Variants in SIPA1L3 observed in about 807,000 individuals in gnomAD.
SIPA1L3 encodes signal-induced proliferation-associated 1-like protein 3.
A neutral mutation model predicts 150.1 loss-of-function variants in SIPA1L3; 59 were observed. The ratio of observed to expected loss-of-function variants is 0.39; its 90% CI spans 0.32 to 0.49. SIPA1L3 has a LOEUF of 0.49. SIPA1L3 is among the 20% of genes least tolerant of loss of function. The pLI, the probability that SIPA1L3 is intolerant of heterozygous loss-of-function variation, is 0.86. For synonymous variants in SIPA1L3, 1,070 were observed against 1,077.6 expected, an observed-to-expected ratio of 0.99 and a Z score of 0.14; for missense variants, 2,211 against 2,489.5, an observed-to-expected ratio of 0.89 and a Z score of 2.38.
Position 38,057,754 on chromosome 19 carries a change from C to CT in SIPA1L3, c.-310-23501dup, listed in dbSNP as rs545625890. Among the ~76,000 whole-genome samples the CT allele has an allele frequency of 7.3e-4, 111 of 152,112 alleles. 1 individual carries two copies. The highest frequency in any genetic ancestry group is 2.6e-3 in the African/African-American group (109 of 41,482). ...CTCCGCCTCCCAGGTTCATGCCACT[C>CT]TCCTGCCTCAGCCTCCCGAGTAGCT... On this transcript the variant is annotated intron_variant, in intron 2 of 21. Coordinates refer to ENST00000222345, the MANE Select transcript of SIPA1L3 (RefSeq NM_015073.3).
intron 17 of SIPA1L3, 135 bp from the exon 18 acceptor site, chr19:38,193,402 G>A (rs1600196069): frequency 9.4e-7 from 1 of 1,059,300 alleles, no homozygotes; most frequent in South Asian, 2.8e-5. Context: ...AGGGAGGAAG[G>A]AAGGAAATGG....
intron 1 of SIPA1L3, among the ~76,000 whole-genome samples, chr19:38,028,437 G>A (rs985677054): frequency 6.6e-6 from 1 of 152,048 alleles, no homozygotes; most frequent in Non-Finnish European, 1.5e-5. Context: ...CATGATCTGT[G>A]GTCTCATGTA....
chr19:38,012,972 C>G (rs888777816), intron 1 of SIPA1L3, among the ~76,000 whole-genome samples: 1 of 152,174 alleles, frequency 6.6e-6, no homozygotes, highest in Non-Finnish European at 1.5e-5. Context: ...CTTGAGAGTG[C>G]AGGTCCCACA....
intron 1 of SIPA1L3, among the ~76,000 whole-genome samples, chr19:37,926,341 C>T (rs2046503556): frequency 6.6e-6 from 1 of 152,188 alleles, no homozygotes; most frequent in Admixed American, 6.6e-5. Flanking sequence ...AGAGGCTGCC[C>T]CTTTTCCACG....
intron 1 of SIPA1L3, among the ~76,000 whole-genome samples, chr19:38,020,129 C>T (rs941921981): frequency 6.6e-6 from 1 of 152,110 alleles, no homozygotes; most frequent in Non-Finnish European, 1.5e-5. Flanking sequence ...ATAATGGTAG[C>T]TCACACTTAA....
chr19:38,195,787 G>GGCC (rs1972909247), intron 18 of SIPA1L3, among the ~76,000 whole-genome samples: 1 of 91,478 alleles, frequency 1.1e-5, no homozygotes, highest in African/African-American at 4.5e-5. Flanking sequence ...ACCACCACAG[G>GGCC]CCCCGTCCCC....
At chr19:38,099,335 G>A (rs1009798100) in intron 4 of SIPA1L3, among the ~76,000 whole-genome samples, 1 of 107,988 alleles carries the variant, frequency 9.3e-6, no homozygotes, top group Non-Finnish European at 1.7e-5. Flanking sequence ...CCCACGCCTG[G>A]CCTTTTTTTT....
At chr19:37,938,852 A>C (rs970941913) in intron 1 of SIPA1L3, among the ~76,000 whole-genome samples, 4 of 151,978 alleles carry the variant, frequency 2.6e-5, no homozygotes, top group African/African-American at 9.7e-5. Flanking sequence ...CAAACTCCTG[A>C]GCTCAGGTGA....
At chr19:38,013,414 A>C (rs1176707545) in intron 1 of SIPA1L3, among the ~76,000 whole-genome samples, 1 of 152,158 alleles carries the variant, frequency 6.6e-6, no homozygotes, top group African/African-American at 2.4e-5. Context: ...TGAAAAAAAA[A>C]AGTTTTATGA....
At chr19:38,069,724 G>T (rs929860148) in intron 2 of SIPA1L3, among the ~76,000 whole-genome samples, 1 of 151,904 alleles carries the variant, frequency 6.6e-6, no homozygotes, top group Admixed American at 6.6e-5. Context: ...GAGTGCAGTG[G>T]TGCGATCTCG....
At chr19:38,161,987 A>G (rs964217235) in intron 13 of SIPA1L3, among the ~76,000 whole-genome samples, 1 of 152,126 alleles carries the variant, frequency 6.6e-6, no homozygotes, top group African/African-American at 2.4e-5. Context: ...GGTTACAGTG[A>G]GCTATGATCA....
At chr19:38,033,683 G>A (rs1438725509) in intron 2 of SIPA1L3, among the ~76,000 whole-genome samples, 15 of 151,350 alleles carry the variant, frequency 9.9e-5, no homozygotes, top group Admixed American at 6.6e-5. Context: ...ATGTGTGTGT[G>A]TGTGTGTGTG....
At chr19:38,001,235 G>A (rs1318516593) in intron 1 of SIPA1L3, among the ~76,000 whole-genome samples, 1 of 151,802 alleles carries the variant, frequency 6.6e-6, no homozygotes, top group African/African-American at 2.4e-5. Context: ...CTTCCTTAAG[G>A]TGTACTTGAG....
chr19:37,999,423 A>T (rs928951560), intron 1 of SIPA1L3, among the ~76,000 whole-genome samples: 1 of 152,232 alleles, frequency 6.6e-6, no homozygotes, highest in Non-Finnish European at 1.5e-5. Flanking sequence ...TCCTGGACGC[A>T]CATGAGCAGT....
At chr19:37,945,921 A>G (rs1222952359) in intron 1 of SIPA1L3, among the ~76,000 whole-genome samples, 1 of 151,928 alleles carries the variant, frequency 6.6e-6, no homozygotes, top group African/African-American at 2.4e-5. Flanking sequence ...TTGGGAGGCC[A>G]AGGCGGGAGG....
intron 9 of SIPA1L3, among the ~76,000 whole-genome samples, chr19:38,121,751 A>G (rs1405925057): frequency 7.2e-6 from 1 of 138,096 alleles, no homozygotes; most frequent in Admixed American, 6.8e-5. Flanking sequence ...AAAAAAATAA[A>G]TAAACAAACA....
At chr19:38,000,157 G>A (rs898553628) in intron 1 of SIPA1L3, among the ~76,000 whole-genome samples, 4 of 152,166 alleles carry the variant, frequency 2.6e-5, no homozygotes, top group Non-Finnish European at 5.9e-5. Context: ...TAATGGGCAT[G>A]CACAGTTAGG....
At chr19:38,136,370 G>A (rs12984864) in intron 10 of SIPA1L3, among the ~76,000 whole-genome samples, 60,273 of 151,290 alleles carry the variant, frequency 0.4, 12,423 homozygotes, top group East Asian at 0.62. Context: ...TTGGGAGGCC[G>A]AGGGAGGCGG....
chr19:38,177,576 A>C (rs943243962), intron 15 of SIPA1L3, among the ~76,000 whole-genome samples: 1 of 152,116 alleles, frequency 6.6e-6, no homozygotes, highest in African/African-American at 2.4e-5. Context: ...TTCTCTATAC[A>C]TATGTGTGTA....
Sources: gnomAD v4.1 joint callset for allele counts (sites outside exome capture counted in the v4.1 genomes callset) on GRCh38, gnomAD v4.1.1 for gene constraint, MANE v1.5 for transcripts, NCBI Gene and HGNC (gene_info 2026-07-23, HGNC 2026-07-21) for gene names.